Variants in HDAC9 observed in about 807,000 individuals in gnomAD.
The protein encoded by HDAC9 is histone deacetylase 9, also known as MEF-2 interacting transcription repressor (MITR) protein.
A neutral mutation model predicts 139.4 loss-of-function variants in HDAC9; 41 were observed. The observed-to-expected ratio is 0.29, with a 90% CI of 0.23 to 0.38. The LOEUF (loss-of-function observed/expected upper bound fraction) is 0.38, where lower values mean the gene tolerates loss of function less well. HDAC9 is among the 10% of genes least tolerant of loss of function. HDAC9 has a pLI of 1.00. For missense variants in HDAC9, 1,147 were observed against 1,297.0 expected, an observed-to-expected ratio of 0.88 and a Z score of 1.78; for synonymous variants, 517 against 476.2, an observed-to-expected ratio of 1.09 and a Z score of -1.12.
intron 12 of HDAC9, among the ~76,000 whole-genome samples, chr7:18,683,925 A>C (rs1368054226): frequency 1.3e-5 from 2 of 152,072 alleles, no homozygotes; most frequent in Non-Finnish European, 2.9e-5. Context: ...TGAAGACCAG[A>C]AAACAATATT....
At chr7:18,874,695 T>A in intron 22 of HDAC9, 99 bp downstream of exon 22, 1 of 680,282 alleles carries the variant, frequency 1.5e-6, no homozygotes, top group Non-Finnish European at 2.6e-6. Context: ...CCAGTAAACT[T>A]GGGTGAGACA....
chr7:18,391,678 C>T (rs1035624324), intron 1 of HDAC9, among the ~76,000 whole-genome samples: 1 of 152,182 alleles, frequency 6.6e-6, no homozygotes, highest in African/African-American at 2.4e-5. Flanking sequence ...AAAATGTCTC[C>T]ACTTTTTCAT....
chr7:18,348,439 T>C (rs1271124704), intron 1 of HDAC9, among the ~76,000 whole-genome samples: 1 of 152,174 alleles, frequency 6.6e-6, no homozygotes, highest in African/African-American at 2.4e-5. Flanking sequence ...ACCTTACTCA[T>C]GGATTTTTGG....
chr7:18,297,972 A>G (rs1284233586), intron 1 of HDAC9, among the ~76,000 whole-genome samples: 1 of 152,160 alleles, frequency 6.6e-6, no homozygotes, highest in Non-Finnish European at 1.5e-5. Context: ...CTCACAGGCC[A>G]TTTAAATGTT....
At chr7:18,394,404 C>T (rs778890370) in intron 1 of HDAC9, among the ~76,000 whole-genome samples, 1 of 152,104 alleles carries the variant, frequency 6.6e-6, no homozygotes, top group Non-Finnish European at 1.5e-5. Context: ...CCTACAATGC[C>T]ATAAAATATT....
intron 12 of HDAC9, among the ~76,000 whole-genome samples, chr7:18,690,025 A>G (rs1782561328): frequency 6.6e-6 from 1 of 152,020 alleles, no homozygotes; most frequent in Admixed American, 6.6e-5. Context: ...CAAATGGCCT[A>G]AGCATCCTTG....
intron 2 of HDAC9, among the ~76,000 whole-genome samples, chr7:18,193,430 A>T (rs746534334): frequency 5.9e-5 from 9 of 152,172 alleles, no homozygotes; most frequent in Admixed American, 1.3e-4. Context: ...TAGTCAAACA[A>T]TTAAATTATT....
intron 15 of HDAC9, among the ~76,000 whole-genome samples, chr7:18,765,405 A>T (rs1789742468): frequency 1.3e-5 from 2 of 152,100 alleles, no homozygotes; most frequent in African/African-American, 4.8e-5. Flanking sequence ...GAGGATCACG[A>T]GGTCAGGAGA....
intron 16 of HDAC9, among the ~76,000 whole-genome samples, chr7:18,786,840 C>CTTCA (rs1443718740): frequency 0.028 from 1,046 of 37,136 alleles, 11 homozygotes; most frequent in Non-Finnish European, 0.046. Context: ...TCCTTCATTC[C>CTTCA]TTCCTTCCTT....
intron 1 of HDAC9, among the ~76,000 whole-genome samples, chr7:18,357,207 C>T (rs928901744): frequency 5.3e-5 from 8 of 152,064 alleles, no homozygotes; most frequent in South Asian, 2.1e-4. Context: ...ATTGTTACTT[C>T]GTTTCTGACA....
chr7:18,373,620 C>T (rs535303215), intron 1 of HDAC9, among the ~76,000 whole-genome samples: 2 of 152,182 alleles, frequency 1.3e-5, no homozygotes, highest in African/African-American at 2.4e-5. Context: ...AGATTCCATG[C>T]CAGGAATTGA....
At chr7:18,883,742 TA>T (rs1459814767) in intron 22 of HDAC9, among the ~76,000 whole-genome samples, 1 of 152,038 alleles carries the variant, frequency 6.6e-6, no homozygotes, top group Non-Finnish European at 1.5e-5. Context: ...AGGGAGAAGT[TA>T]AACTGTCTCT....
intron 22 of HDAC9, among the ~76,000 whole-genome samples, chr7:18,923,508 C>CT (rs1554403228): frequency 1.3e-5 from 2 of 152,026 alleles, no homozygotes; most frequent in Non-Finnish European, 2.9e-5. Flanking sequence ...GGCAACTCCT[C>CT]TTTATCTTTG....
chr7:18,288,543 G>C (rs1461189442), upstream of HDAC9, among the ~76,000 whole-genome samples: 2 of 152,136 alleles, frequency 1.3e-5, no homozygotes, highest in African/African-American at 2.4e-5. Context: ...TAGTAGGGCA[G>C]GCATCAGATG....
At position 18,097,353 on chromosome 7, in the gene HDAC9, T is replaced by C. The variant is rs910569400; in HGVS notation, c.-97+10140T>C. 2.0e-5 allele frequency among the ~76,000 whole-genome samples: 3 copies of C among 152,298 alleles called. No homozygotes were observed. In the South Asian group the frequency reaches 6.2e-4, roughly 32 times the overall value. ...ATTCTTTCCTAAATGACCAGCAACA[T>C]TGGATGTCATCTGTTCACTTGCCCC... On this transcript the variant is annotated intron_variant, in intron 1 of 12. Transcript: ENST00000417496.
Position 18,666,206 on chromosome 7 carries a change from C to T in HDAC9, c.1468-7C>T. 1 of 1,606,928 alleles carries T rather than the reference C, an allele frequency of 6.2e-7. No homozygotes were observed. The highest frequency in any genetic ancestry group is 8.5e-7 in the Non-Finnish European group (1 of 1,175,674). On this transcript the variant is annotated splice_polypyrimidine_tract_variant and splice_region_variant and intron_variant, in intron 11 of 25. Coordinates refer to ENST00000686413, the MANE Select transcript of HDAC9 (RefSeq NM_178425.4). ...TGAATTTTGAACCCCTGAACACTCT[C>T]TTCTAGCTGCTTTCGAAATCTATTG...
At chr7:18,418,765 GT>G (rs1789334480) in intron 1 of HDAC9, among the ~76,000 whole-genome samples, 1 of 151,884 alleles carries the variant, frequency 6.6e-6, no homozygotes. Context: ...GATTATAAGA[GT>G]TTTGTTTTTT....
chr7:18,301,743 C>G (rs140916101), intron 1 of HDAC9, among the ~76,000 whole-genome samples: 3 of 152,244 alleles, frequency 2.0e-5, no homozygotes, highest in African/African-American at 7.2e-5. Context: ...GTGCCAGCTT[C>G]TTCGCTTCCC....
rs759973795 is a variant in HDAC9 at position 18,644,816 on chromosome 7, C to T, written c.1035+23C>T. On this transcript the variant is annotated intron_variant, in intron 9 of 25. Coordinates refer to ENST00000686413, the MANE Select transcript of HDAC9 (RefSeq NM_178425.4). ...AATGTAAGTCATTGCACAGCATCAG[C>T]CTTAATCAACCTAAGCAATATCTTT... is the stretch of plus-strand genomic sequence containing the variant. 8.8e-6 allele frequency: 14 copies of T among 1,599,600 alleles called. No homozygotes were observed. The East Asian group carries it at 3.2e-4, about 36-fold the overall frequency.
Sources: gnomAD v4.1 joint callset for allele counts (sites outside exome capture counted in the v4.1 genomes callset) on GRCh38, gnomAD v4.1.1 for gene constraint, MANE v1.5 for transcripts, NCBI Gene and HGNC (gene_info 2026-07-23, HGNC 2026-07-21) for gene names.